Variants in ABHD12 observed in about 807,000 individuals in gnomAD.
The protein encoded by ABHD12 is abhydrolase domain containing 12, lysophospholipase, also known as lysophosphatidylserine lipase ABHD12.
In ABHD12, 43 loss-of-function variants were observed where a neutral mutation model predicts 58.3. The ratio of observed to expected loss-of-function variants is 0.74; its 90% confidence interval spans 0.58 to 0.95. The LOEUF is 0.95. ABHD12 is among the 40% of genes least tolerant of loss of function. The pLI is 0.00. For missense variants in ABHD12, 539 were observed against 537.2 expected (o/e 1.00, Z -0.03); for synonymous variants, 219 against 211.2 (o/e 1.04, Z -0.32).
intron 1 of ABHD12, among the ~76,000 whole-genome samples, chr20:25,373,904 T>C (rs1474965594): frequency 6.6e-6 from 1 of 152,084 alleles, no homozygotes; most frequent in African/African-American, 2.4e-5. Context: ...CTACCTGAAG[T>C]TGTCCCATAG....
chr20:25,311,697 G>T (rs2088852174), intron 6 of ABHD12, among the ~76,000 whole-genome samples: 1 of 152,142 alleles, frequency 6.6e-6, no homozygotes, highest in Non-Finnish European at 1.5e-5. Context: ...AGGACTACAT[G>T]GTGGAATACA....
At chr20:25,380,206 T>A (rs1195119262) in intron 1 of ABHD12, among the ~76,000 whole-genome samples, 3 of 152,158 alleles carry the variant, frequency 2.0e-5, no homozygotes, top group African/African-American at 7.2e-5. Context: ...TTTCAGGTTT[T>A]CCATAACTCC....
rs987320699 is a variant in ABHD12 at position 25,359,619 on chromosome 20, G to C, written c.192-20268C>G. On this transcript the variant is annotated intron_variant, in intron 1 of 12. Coordinates refer to ENST00000339157, the MANE Select transcript of ABHD12 (RefSeq NM_001042472.3). ...GAATTTTGCTCTGTCGCCCAGACTG[G>C]AGTGCAGTGGTGCGATCTCGGCTCA... Among the ~76,000 whole-genome samples, 4 of 151,926 alleles carry C rather than the reference G, an allele frequency of 2.6e-5. No individual in the cohort carries two copies. The East Asian group carries it at 7.8e-4, about 30-fold the overall frequency.
At chr20:25,347,379 T>C (rs1283480158) in intron 1 of ABHD12, among the ~76,000 whole-genome samples, 1 of 152,202 alleles carries the variant, frequency 6.6e-6, no homozygotes, top group Non-Finnish European at 1.5e-5. Context: ...GGATGTGTGA[T>C]TGGGGTATGC....
chr20:25,304,820 G>C (rs922386487), intron 10 of ABHD12, among the ~76,000 whole-genome samples: 13 of 152,250 alleles, frequency 8.5e-5, no homozygotes, highest in Admixed American at 3.9e-4. Context: ...GCCTGCCTCA[G>C]CCTCCCAAAA....
intron 1 of ABHD12, among the ~76,000 whole-genome samples, chr20:25,370,565 G>GTT (rs1305110950): frequency 1.3e-5 from 2 of 152,206 alleles, no homozygotes; most frequent in African/African-American, 4.8e-5. Flanking sequence ...TAGTCAGGAT[G>GTT]TATAAGAGAG....
intron 8 of ABHD12, among the ~76,000 whole-genome samples, 198 bp downstream of exon 8, chr20:25,308,259 C>T (rs1319792627): frequency 1.3e-5 from 2 of 152,212 alleles, no homozygotes; most frequent in Admixed American, 1.3e-4. Flanking sequence ...GCTGATGCGG[C>T]TCTGGGGCCA....
At chr20:25,343,789 T>C (rs1045543918) in intron 1 of ABHD12, among the ~76,000 whole-genome samples, 15 of 152,254 alleles carry the variant, frequency 9.9e-5, no homozygotes, top group African/African-American at 3.4e-4. Flanking sequence ...AGGAAGACTC[T>C]GTGTCAAAAA....
downstream of ABHD12, among the ~76,000 whole-genome samples, chr20:25,299,242 CAAG>C (rs757964610): frequency 6.6e-6 from 1 of 151,640 alleles, no homozygotes; most frequent in Non-Finnish European, 1.5e-5. Flanking sequence ...ACAAAACATA[CAAG>C]AATTAGCTGG....
chr20:25,363,026 T>G (rs1160735851), intron 1 of ABHD12, among the ~76,000 whole-genome samples: 1 of 151,988 alleles, frequency 6.6e-6, no homozygotes, highest in East Asian at 1.9e-4. Flanking sequence ...CTGCAATCAA[T>G]GGCAATTTTG....
At chr20:25,311,150 G>C (rs1303456155) in intron 6 of ABHD12, among the ~76,000 whole-genome samples, 1 of 152,198 alleles carries the variant, frequency 6.6e-6, no homozygotes, top group Non-Finnish European at 1.5e-5. Context: ...CTAATCCCTG[G>C]AACTTGTGAA....
rs766092675 is a variant in ABHD12, at chr20:25,308,439, G to A, written c.787+18C>T. On this transcript the variant is annotated intron_variant, in intron 8 of 12. Coordinates refer to ENST00000339157, the MANE Select transcript of ABHD12 (RefSeq NM_001042472.3). ...CTGAATGCTCACTGCCACGGCTGGG[G>A]CCCAACAAGGCACTCACCTCGCTCA... 11 of 1,610,058 alleles carry A rather than the reference G, an allele frequency of 6.8e-6. No individual in the cohort carries two copies. The South Asian group carries it at 1.2e-4, about 18-fold the overall frequency.
chr20:25,318,923 T>C (rs1223344560), intron 4 of ABHD12, among the ~76,000 whole-genome samples: 1 of 152,212 alleles, frequency 6.6e-6, no homozygotes, highest in Non-Finnish European at 1.5e-5. Flanking sequence ...CCAGGCTCTT[T>C]CAGCAATGCT....
At chr20:25,376,073 G>C (rs2089959228) in intron 1 of ABHD12, among the ~76,000 whole-genome samples, 1 of 152,092 alleles carries the variant, frequency 6.6e-6, no homozygotes, top group African/African-American at 2.4e-5. Context: ...AGTGAGCCCA[G>C]ATCGCACCAC....
chr20:25,364,324 G>T (rs907008083), intron 1 of ABHD12, among the ~76,000 whole-genome samples: 1 of 152,192 alleles, frequency 6.6e-6, no homozygotes, highest in Non-Finnish European at 1.5e-5. Context: ...AAGAAAAGAG[G>T]TTTATTTGGC....
At position 25,300,502 on chromosome 20, in the gene ABHD12, G is replaced by A. The variant is rs925043621; in HGVS notation, c.*343C>T. On this transcript the variant is annotated 3_prime_UTR_variant, in exon 13 of 13. Transcript: ENST00000339157. ...AGCTCAGCATGGTCCCGAGCCCCAA[G>A]AGTCCCCTGCCCGGACTCCCCCTGT... 1.5e-6 allele frequency: 2 copies of A among 1,297,648 alleles called. No homozygotes were observed. Among genetic ancestry groups the A allele is most frequent in the Non-Finnish European group, 2.0e-6 (2 of 1,014,002 alleles). The allele number at this position is 1,297,648 out of a possible 1,614,324, so 80.4% of individuals were successfully genotyped here.
intron 2 of ABHD12, among the ~76,000 whole-genome samples, chr20:25,334,590 C>G (rs2089331608): frequency 6.6e-6 from 1 of 152,010 alleles, no homozygotes; most frequent in Non-Finnish European, 1.5e-5. Flanking sequence ...CAGCATGGTA[C>G]TGGTACCAAA....
At position 25,339,221 on chromosome 20, in the gene ABHD12, A is replaced by C. The variant is rs1360196862; in HGVS notation, c.316+6T>G. 1 of 1,614,066 alleles carries C rather than the reference A, an allele frequency of 6.2e-7. No individual in the cohort carries two copies. Among genetic ancestry groups the C allele is most frequent in the Non-Finnish European group, 8.5e-7 (1 of 1,180,014 alleles). On this transcript the variant is annotated splice_donor_region_variant and intron_variant, in intron 2 of 12. Transcript: ENST00000339157. ...ATTAAAGGAAAAATGGACACATACC[A>C]CTTACCGAAATTCAAGAAAATCAGT...
chr20:25,298,488 CAGGTGATCCGCCCGCCTCAGCCTCCGAA>C (rs1172327203), downstream of ABHD12, among the ~76,000 whole-genome samples: 1 of 152,158 alleles, frequency 6.6e-6, no homozygotes, highest in African/African-American at 2.4e-5. Flanking sequence ...CTCCTGACCT[CAGGTGATCCGCCCGCCTCAGCCTCCGAA>C]AGTGCTGAGA....
Sources: gnomAD v4.1 joint callset for allele counts (sites outside exome capture counted in the v4.1 genomes callset) on GRCh38, gnomAD v4.1.1 for gene constraint, MANE v1.5 for transcripts, NCBI Gene and HGNC (gene_info 2026-07-23, HGNC 2026-07-21) for gene names.